Variants in EPB41L4A observed in about 807,000 individuals in gnomAD.
EPB41L4A encodes the protein erythrocyte membrane protein band 4.1 like 4A.
In EPB41L4A, 100 loss-of-function variants were observed where a neutral mutation model predicts 108.6. That is an observed-to-expected ratio of 0.92 (90% CI 0.78 to 1.09). The LOEUF (loss-of-function observed/expected upper bound fraction) is 1.09, where lower values mean the gene tolerates loss of function less well. Among genes scored for constraint, EPB41L4A ranks in the 50% least tolerant of loss-of-function variants. The pLI, the probability that EPB41L4A is intolerant of heterozygous loss-of-function variation, is 0.00. For missense variants in EPB41L4A, 1,030 were observed against 842.7 expected (o/e 1.22, Z -2.75); for synonymous variants, 319 against 289.0 (o/e 1.10, Z -1.05).
chr5:112,270,195 C>A (rs986976222), intron 4 of EPB41L4A, among the ~76,000 whole-genome samples: 2 of 152,170 alleles, frequency 1.3e-5, no homozygotes, highest in Non-Finnish European at 2.9e-5. Flanking sequence ...TGAATGCTTA[C>A]ACCAAAGAAT....
intron 12 of EPB41L4A, among the ~76,000 whole-genome samples, chr5:112,155,909 AATT>A (rs1171360798): frequency 6.6e-6 from 1 of 152,142 alleles, no homozygotes; most frequent in Middle Eastern, 3.2e-3. Flanking sequence ...TTCAGAAACA[AATT>A]ATTAATGTTA....
chr5:112,401,160 GAA>G (rs536369987), intron 1 of EPB41L4A, among the ~76,000 whole-genome samples: 8 of 152,120 alleles, frequency 5.3e-5, no homozygotes, highest in Non-Finnish European at 1.0e-4. Context: ...GAGAGGAAAT[GAA>G]AAAGTCACAG....
At chr5:112,352,473 T>C (rs987766) in intron 1 of EPB41L4A, among the ~76,000 whole-genome samples, 409 of 152,328 alleles carry the variant, frequency 2.7e-3, no homozygotes, top group Admixed American at 3.7e-3. Flanking sequence ...AGAAGATATA[T>C]GATATAATTG....
At chr5:112,385,957 T>A (rs1402366314) in intron 1 of EPB41L4A, among the ~76,000 whole-genome samples, 1 of 152,242 alleles carries the variant, frequency 6.6e-6, no homozygotes, top group African/African-American at 2.4e-5. Context: ...CAGAAATAGT[T>A]GTGAGCTCAT....
chr5:112,257,010 ACTAAGT>A (rs1266137303), intron 9 of EPB41L4A: 2 of 152,192 alleles, frequency 1.3e-5, no homozygotes, highest in Non-Finnish European at 2.9e-5. Flanking sequence ...CAATGACCAT[ACTAAGT>A]CTTTCTGACC....
In EPB41L4A at chr5:112,415,055, T is replaced by G. The variant is rs372347168; in HGVS notation, c.99+3886A>C. On this transcript the variant is annotated intron_variant, in intron 1 of 22. Coordinates refer to ENST00000261486, the MANE Select transcript of EPB41L4A (RefSeq NM_022140.5). ...AAACTTAATATAATTTGTGAAACTATTGCTTTTCATTTTTTCCCAATCTTC... is the reference window on the plus strand; with the variant it reads ...AAACTTAATATAATTTGTGAAACTAGTGCTTTTCATTTTTTCCCAATCTTC... Among the ~76,000 whole-genome samples the G allele has an allele frequency of 5.9e-5, 9 of 152,252 alleles. No individual in the cohort carries two copies. The East Asian group carries it at 1.3e-3, about 23-fold the overall frequency.
chr5:112,290,746 T>C (rs1030775309), intron 2 of EPB41L4A, among the ~76,000 whole-genome samples: 1 of 152,146 alleles, frequency 6.6e-6, no homozygotes, highest in African/African-American at 2.4e-5. Context: ...TAGGGTTCAT[T>C]TAAACTCTGT....
intron 1 of EPB41L4A, among the ~76,000 whole-genome samples, chr5:112,398,387 TTTTG>T (rs1761512629): frequency 6.6e-6 from 1 of 152,098 alleles, no homozygotes; most frequent in Non-Finnish European, 1.5e-5. Flanking sequence ...GTGGGGTTTT[TTTTG>T]TTTGTTTCTT....
intron 1 of EPB41L4A, among the ~76,000 whole-genome samples, chr5:112,387,242 A>G (rs1234073563): frequency 6.6e-6 from 1 of 152,196 alleles, no homozygotes; most frequent in Non-Finnish European, 1.5e-5. Flanking sequence ...ACCACGTCCA[A>G]TAGAGCTGCC....
At chr5:112,385,322 C>A (rs988316225) in intron 1 of EPB41L4A, among the ~76,000 whole-genome samples, 2 of 151,942 alleles carry the variant, frequency 1.3e-5, no homozygotes, top group East Asian at 3.9e-4. Flanking sequence ...CAATAAAAGG[C>A]ATAAAAAAGT....
intron 12 of EPB41L4A, among the ~76,000 whole-genome samples, chr5:112,146,875 T>A (rs1040126402): frequency 6.6e-6 from 1 of 152,220 alleles, no homozygotes; most frequent in East Asian, 1.9e-4. Context: ...GCATAAGATG[T>A]AACCTTAACA....
chr5:112,209,980 A>T lies in EPB41L4A; in HGVS notation c.1090T>A (p.Ser364Thr). 1 of 1,551,502 alleles carries T rather than the reference A, an allele frequency of 6.4e-7. No individual in the cohort carries two copies. The highest frequency in any genetic ancestry group is 8.9e-7 in the Non-Finnish European group (1 of 1,127,430). ...KRIAQTQPAE[S>T]NSISRITANM... is the part of the protein sequence containing the mutation. ...GCAGTTATCCTACTGATGCTGTTTG[A>T]TTCTAGCAGAGGAGGAGAAGGAAAG... Residue 364 changes from serine (S) to threonine (T), a missense_variant and splice_region_variant, in exon 13 of 23, where the codon TCA becomes ACA. By Grantham distance (58) the Ser-to-Thr change is moderately conservative (BLOSUM62 1). Coordinates refer to ENST00000261486, the MANE Select transcript of EPB41L4A (RefSeq NM_022140.5).
At chr5:112,317,107 T>A (rs776764560) in intron 1 of EPB41L4A, among the ~76,000 whole-genome samples, 1 of 152,200 alleles carries the variant, frequency 6.6e-6, no homozygotes, top group Non-Finnish European at 1.5e-5. Context: ...AGGAATGACA[T>A]GAACATATAG....
At chr5:112,346,265 G>T (rs543022918) in intron 1 of EPB41L4A, among the ~76,000 whole-genome samples, 28 of 117,972 alleles carry the variant, frequency 2.4e-4, no homozygotes, top group African/African-American at 8.7e-4. Flanking sequence ...TCGCTCTGTC[G>T]TCTAGGCTGG....
chr5:112,223,240 G>A (rs183448141), intron 12 of EPB41L4A, among the ~76,000 whole-genome samples: 13 of 152,052 alleles, frequency 8.5e-5, no homozygotes, highest in East Asian at 3.9e-4. Flanking sequence ...GTGCCCGACC[G>A]AAAGTAGTTT....
At chr5:112,397,869 C>T (rs978581528) in intron 1 of EPB41L4A, among the ~76,000 whole-genome samples, 6 of 152,136 alleles carry the variant, frequency 3.9e-5, no homozygotes, top group Admixed American at 2.6e-4. Flanking sequence ...AGGATTTGAC[C>T]GCAGTTTTCC....
At chr5:112,253,167 T>C (rs1219179136) in intron 9 of EPB41L4A, among the ~76,000 whole-genome samples, 2 of 152,154 alleles carry the variant, frequency 1.3e-5, no homozygotes, top group Non-Finnish European at 2.9e-5. Flanking sequence ...GAAGCAGGAA[T>C]TATACAGCAG....
intron 12 of EPB41L4A, among the ~76,000 whole-genome samples, chr5:112,223,710 T>TA (rs1748244667): frequency 6.6e-6 from 1 of 152,172 alleles, no homozygotes; most frequent in Non-Finnish European, 1.5e-5. Flanking sequence ...ACGACTAGTC[T>TA]AAGGTTGTGT....
intron 9 of EPB41L4A, among the ~76,000 whole-genome samples, chr5:112,256,123 G>A (rs1751069090): frequency 1.3e-5 from 2 of 152,136 alleles, no homozygotes; most frequent in South Asian, 2.1e-4. Flanking sequence ...TTTGAAATAA[G>A]CTTAAGTTGT....
Sources: allele counts gnomAD v4.1 joint callset (sites outside exome capture counted in the v4.1 genomes callset), GRCh38; gene constraint gnomAD v4.1.1; transcripts MANE v1.5; gene names NCBI Gene and HGNC (gene_info 2026-07-23, HGNC 2026-07-21).